Variants in PUM3 observed in about 807,000 individuals in gnomAD.
PUM3 encodes the protein pumilio homolog 3.
Under a neutral mutation model 84.0 loss-of-function variants are expected in PUM3, and 91 were observed. That is an observed-to-expected ratio of 1.08 (90% CI 0.91 to 1.29). The LOEUF (loss-of-function observed/expected upper bound fraction) is 1.29. Ranked by LOEUF, PUM3 falls within the 50% of genes most tolerant of loss-of-function variation. The pLI is 0.00. For missense variants in PUM3, 1,067 were observed against 767.5 expected (o/e 1.39, Z -4.61); for synonymous variants, 321 against 266.7 (o/e 1.20, Z -1.98).
intron 12 of PUM3, among the ~76,000 whole-genome samples, chr9:2,822,370 C>G (rs1302590520): frequency 2.0e-5 from 3 of 151,812 alleles, no homozygotes; most frequent in Non-Finnish European, 4.4e-5. Flanking sequence ...TTAAAAGGAA[C>G]AAAAGAATAT....
intron 13 of PUM3, among the ~76,000 whole-genome samples, chr9:2,813,818 C>A (rs541273914): frequency 6.6e-6 from 1 of 152,206 alleles, no homozygotes; most frequent in South Asian, 2.1e-4. Context: ...TCATTTTTTG[C>A]ACAAAAGTAT....
At chr9:2,811,625 G>A (rs762152125) in intron 14 of PUM3, 42 bp from the exon 15 acceptor site, 45 of 1,470,640 alleles carry the variant, frequency 3.1e-5, no homozygotes, top group Non-Finnish European at 4.0e-5. Flanking sequence ...AAGATAAATC[G>A]CAAAGGAAAT....
Position 2,821,443 on chromosome 9 carries a change from C to CAAAAAAAAAAAAAAAAAAA in PUM3, c.1189-1364_1189-1346dup, listed in dbSNP as rs572752267. On this transcript the variant is annotated intron_variant, in intron 12 of 17. Coordinates refer to ENST00000397885, the MANE Select transcript of PUM3 (RefSeq NM_014878.5). ...TGGGCGACAGAGCAAGACTCTGTCT[C>CAAAAAAAAAAAAAAAAAAA]AAAAAAAAAAAAAAAAAAAGAACAT... Among the ~76,000 whole-genome samples, 113 of 50,086 alleles carry CAAAAAAAAAAAAAAAAAAA rather than the reference C, an allele frequency of 2.3e-3. 5 individuals carry two copies. The highest frequency in any genetic ancestry group is 5.2e-3 in the African/African-American group (64 of 12,412). The allele number at this position is 50,086 out of a possible 152,430, so 32.9% of individuals were successfully genotyped here.
intron 13 of PUM3, among the ~76,000 whole-genome samples, chr9:2,819,630 T>C (rs1169173285): frequency 2.6e-5 from 4 of 152,168 alleles, no homozygotes; most frequent in African/African-American, 9.7e-5. Flanking sequence ...TCACAGATAC[T>C]CTCTGCTTGT....
At chr9:2,805,647 A>G (rs943250701) in intron 17 of PUM3, among the ~76,000 whole-genome samples, 2 of 152,214 alleles carry the variant, frequency 1.3e-5, no homozygotes, top group African/African-American at 4.8e-5. Flanking sequence ...TATTTCATAC[A>G]TCTTGGCTAA....
intron 16 of PUM3, among the ~76,000 whole-genome samples, chr9:2,809,260 G>C (rs10812719): frequency 0.41 from 61,868 of 151,968 alleles, 14,093 homozygotes; most frequent in South Asian, 0.56. Context: ...TGCTGAATAC[G>C]ACAAGACAAA....
In PUM3 at chr9:2,804,449, C is replaced by A; in HGVS notation, c.1829G>T (p.Cys610Phe). The change falls in exon 18 of 18, where the codon TGT (cysteine) becomes TTT (phenylalanine). Residue 610 changes from cysteine (C) to phenylalanine (F), a missense_variant. Transcript: ENST00000397885. ...GACTTTGTTTGCAACTTCCAGGTCA[C>A]AACTCTGGAGGAGGCTGAAGAGAGG... ...AIILSSLLQSCDLEVANKVKA... is the reference protein window; with the variant it reads ...AIILSSLLQSFDLEVANKVKA... The A allele has an allele frequency of 1.9e-6, 3 of 1,613,796 alleles. No homozygotes were observed. Among genetic ancestry groups the A allele is most frequent in the South Asian group, 2.2e-5 (2 of 91,016 alleles).
At chr9:2,810,106 G>T (rs552841396) in intron 16 of PUM3, among the ~76,000 whole-genome samples, 3 of 150,998 alleles carry the variant, frequency 2.0e-5, no homozygotes, top group Admixed American at 6.6e-5. Context: ...GGGGGCGGTG[G>T]GGGGGGCTGG....
At chr9:2,814,772 A>G in intron 13 of PUM3, among the ~76,000 whole-genome samples, 1 of 141,218 alleles carries the variant, frequency 7.1e-6, no homozygotes, top group South Asian at 2.1e-4. Flanking sequence ...ACTCTGAAAT[A>G]TAACACCTTT....
Position 2,837,167 on chromosome 9 carries a change from A to G in PUM3, c.304+13T>C. 3 of 1,610,926 alleles carry G rather than the reference A, an allele frequency of 1.9e-6. No homozygotes were observed. Among genetic ancestry groups the G allele is most frequent in the Non-Finnish European group, 1.7e-6 (2 of 1,177,320 alleles). On this transcript the variant is annotated intron_variant, in intron 3 of 17. Coordinates refer to ENST00000397885, the MANE Select transcript of PUM3 (RefSeq NM_014878.5). Reference sequence around the variant, plus strand: ...TCAGGCACTAGTTCAGGCATGAACGAACCAGTACTTACCATCGCTTCTACC... The same window carrying G: ...TCAGGCACTAGTTCAGGCATGAACGGACCAGTACTTACCATCGCTTCTACC...
chr9:2,837,202 G>A lies in PUM3; in HGVS notation c.282C>T (p.Phe94=), dbSNP rs376054493. The change falls in exon 3 of 18, where the codon TTC becomes TTT. Residue 94 remains phenylalanine (F), a synonymous_variant. Transcript: ENST00000397885. The part of the protein sequence containing the change: ...PANKFNKKRK[F]QPDGRSDESA... ...TACCATCGCTTCTACCATCTGGCTG[G>A]AATTTTCTCTTCTTGTTGAATTTAT... The A allele has an allele frequency of 2.5e-6, 4 of 1,613,912 alleles. No individual in the cohort carries two copies. In the African/African-American group the frequency reaches 5.3e-5, roughly 22 times the overall value.
chr9:2,825,175 A>G (rs1479145633), intron 10 of PUM3, among the ~76,000 whole-genome samples: 1 of 152,216 alleles, frequency 6.6e-6, no homozygotes, highest in Non-Finnish European at 1.5e-5. Context: ...AGCTTTTAAC[A>G]GAATAGCGAG....
chr9:2,815,147 A>C (rs1821445832), intron 13 of PUM3, among the ~76,000 whole-genome samples: 1 of 152,248 alleles, frequency 6.6e-6, no homozygotes, highest in African/African-American at 2.4e-5. Context: ...GTATTTAATT[A>C]AGGCTTTTAA....
At chr9:2,817,545 A>T (rs1239583764) in intron 13 of PUM3, among the ~76,000 whole-genome samples, 13 of 152,374 alleles carry the variant, frequency 8.5e-5, no homozygotes, top group African/African-American at 3.1e-4. Flanking sequence ...GCAGAAAAAT[A>T]CATGTAAGAC....
intron 6 of PUM3, 43 bp downstream of exon 6, chr9:2,831,208 C>T (rs754496934): frequency 4.4e-6 from 6 of 1,352,742 alleles, no homozygotes; most frequent in Non-Finnish European, 6.3e-6. Flanking sequence ...AAACAAGTGA[C>T]TTATTGCAAA....
chr9:2,836,629 T>A (rs946018708), intron 3 of PUM3, among the ~76,000 whole-genome samples: 15 of 152,194 alleles, frequency 9.9e-5, no homozygotes, highest in African/African-American at 3.6e-4. Flanking sequence ...ATCTGCGCCA[T>A]CAGAGGGATT....
chr9:2,827,041 T>C (rs1278288952), intron 10 of PUM3, 32 bp downstream of exon 10: 3 of 1,565,380 alleles, frequency 1.9e-6, no homozygotes, highest in South Asian at 2.3e-5. Flanking sequence ...CTCCTCCATG[T>C]TTTAGTTTAA....
intron 1 of PUM3, among the ~76,000 whole-genome samples, chr9:2,840,220 T>A (rs1816234235): frequency 6.6e-6 from 1 of 152,232 alleles, no homozygotes; most frequent in Non-Finnish European, 1.5e-5. Flanking sequence ...GTCAAAGTAG[T>A]GTTTTCCAGG....
chr9:2,825,383 T>C (rs989260845), intron 10 of PUM3, among the ~76,000 whole-genome samples: 2 of 152,210 alleles, frequency 1.3e-5, no homozygotes, highest in Non-Finnish European at 2.9e-5. Flanking sequence ...ACCTCACCTA[T>C]AAAATGACCC....
Sources: gnomAD v4.1 joint callset for allele counts (sites outside exome capture counted in the v4.1 genomes callset) on GRCh38, gnomAD v4.1.1 for gene constraint, MANE v1.5 for transcripts, NCBI Gene and HGNC (gene_info 2026-07-23, HGNC 2026-07-21) for gene names.